The following MICB variants were observed in gnomAD, a reference collection of about 807,000 sequenced individuals.
MICB encodes MHC class I antigen-related protein B.
A neutral mutation model predicts 34.3 loss-of-function variants in MICB; 27 were observed. That is an observed-to-expected ratio of 0.79 (90% CI 0.58 to 1.08). The LOEUF (loss-of-function observed/expected upper bound fraction) is 1.08, where lower values mean the gene tolerates loss of function less well. MICB is among the 50% of genes least tolerant of loss of function. The probability of loss-of-function intolerance (pLI) is 0.00; values close to 1 mark genes in which losing one functional copy is unlikely to be tolerated. For missense variants in MICB, 426 were observed against 483.1 expected (o/e 0.88, Z 1.11); for synonymous variants, 153 against 187.4 (o/e 0.82, Z 1.50).
intron 1 of MICB, chr6:31,498,601 G>A (rs1416360266): frequency 6.2e-6 from 1 of 161,680 alleles, no homozygotes; most frequent in Non-Finnish European, 1.4e-5. Context: ...CCTAGTAGCT[G>A]GGACTACAGG....
At chr6:31,502,445 G>A (rs1286807697) in intron 1 of MICB, among the ~76,000 whole-genome samples, 1 of 152,134 alleles carries the variant, frequency 6.6e-6, no homozygotes, top group Admixed American at 6.5e-5. Context: ...GTTTTTATTG[G>A]AGAGATCTTT....
intron 1 of MICB, among the ~76,000 whole-genome samples, chr6:31,501,341 G>C (rs1290783571): frequency 6.6e-6 from 1 of 152,156 alleles, no homozygotes; most frequent in Non-Finnish European, 1.5e-5. Flanking sequence ...CTAATCCTTT[G>C]TCAGATGAAT....
chr6:31,497,687 T>C (rs2150275435), upstream of MICB, among the ~76,000 whole-genome samples: 1 of 152,302 alleles, frequency 6.6e-6, no homozygotes, highest in Non-Finnish European at 1.5e-5. Flanking sequence ...GCAGTAACGC[T>C]GTGCGCGGTT....
Position 31,510,495 on chromosome 6 carries a change from C to T in MICB, c.*586C>T, listed in dbSNP as rs1765613742. 6.6e-6 allele frequency: 1 copy of T among 152,174 alleles called. No homozygotes were observed. The highest frequency in any genetic ancestry group is 6.6e-5 in the Admixed American group (1 of 15,258). 9.4% of individuals were successfully genotyped at this position (152,174 alleles called of 1,614,324 possible). A position where few individuals can be genotyped will look rare whatever the true frequency, so the allele number is the denominator to read the frequency against. On this transcript the variant is annotated 3_prime_UTR_variant, in exon 6 of 6. Transcript: ENST00000252229. ...CAGTCCAATACAGGGTTGTGGGGCC[C>T]TTAACAGTGCCATATTAATTGGTAT... is the stretch of plus-strand genomic sequence containing the variant.
upstream of MICB, chr6:31,496,753 A>C (rs1183830037): frequency 6.6e-6 from 1 of 152,210 alleles, no homozygotes; most frequent in African/African-American, 2.4e-5. Context: ...ACTGGTTGTG[A>C]TCAATTAGTT....
intron 2 of MICB, 30 bp downstream of exon 2, chr6:31,505,901 G>A: frequency 6.4e-7 from 1 of 1,566,540 alleles, no homozygotes; most frequent in African/African-American, 1.4e-5. Flanking sequence ...AGAGTAATGG[G>A]AGGCCTTCTC....
upstream of MICB, chr6:31,498,141 T>G: frequency 6.8e-7 from 1 of 1,474,150 alleles, no homozygotes; most frequent in Non-Finnish European, 9.2e-7. Flanking sequence ...TTCTCACGGG[T>G]TTCATTCAGT....
intron 1 of MICB, among the ~76,000 whole-genome samples, chr6:31,503,482 A>T (rs1025525316): frequency 2.6e-5 from 4 of 152,212 alleles, no homozygotes; most frequent in Admixed American, 2.0e-4. Flanking sequence ...GGCCCCTGGT[A>T]ACCATCATTC....
chr6:31,501,871 C>T (rs1416208169), intron 1 of MICB, among the ~76,000 whole-genome samples: 1 of 152,048 alleles, frequency 6.6e-6, no homozygotes, highest in Non-Finnish European at 1.5e-5. Flanking sequence ...AATGTGATTC[C>T]GCTAGTTTTG....
At chr6:31,504,248 C>CTTTTTTT (rs41283858) in intron 1 of MICB, among the ~76,000 whole-genome samples, 21 of 71,434 alleles carry the variant, frequency 2.9e-4, no homozygotes, top group East Asian at 8.9e-4. Flanking sequence ...TAATCTCTCT[C>CTTTTTTT]TTTTTCTTTT....
rs368417585 is a variant in MICB at position 31,498,155 on chromosome 6, C to A, written c.-39C>A. 6 of 1,534,066 alleles carry A rather than the reference C, an allele frequency of 3.9e-6. No individual in the cohort carries two copies. The highest frequency in any genetic ancestry group is 5.3e-6 in the Non-Finnish European group (6 of 1,128,680). On this transcript the variant is annotated 5_prime_UTR_variant, in exon 1 of 6. Transcript: ENST00000252229. ...CTTCTCACGGGTTTCATTCAGTTGG[C>A]CACTGCTGAGCAGCTGAGAAGGTGG...
intron 5 of MICB, among the ~76,000 whole-genome samples, chr6:31,508,766 C>T (rs1470870352): frequency 6.6e-6 from 1 of 152,190 alleles, no homozygotes; most frequent in Non-Finnish European, 1.5e-5. Context: ...ATGTTGATGT[C>T]CAATAAAGAT....
chr6:31,509,334 A>G (rs1765531156), intron 5 of MICB, among the ~76,000 whole-genome samples: 1 of 152,018 alleles, frequency 6.6e-6, no homozygotes, highest in Non-Finnish European at 1.5e-5. Context: ...GGAGGGGAGG[A>G]GTGCTGAGCT....
At chr6:31,503,763 A>C (rs145516623) in intron 1 of MICB, among the ~76,000 whole-genome samples, 1 of 152,170 alleles carries the variant, frequency 6.6e-6, no homozygotes, top group Non-Finnish European at 1.5e-5. Flanking sequence ...TCTTGGGTAT[A>C]TATTTATTTC....
rs528089914 is a variant in MICB, at chr6:31,507,310, G to C, written c.892+10G>C. 6.2e-7 allele frequency: 1 copy of C among 1,612,458 alleles called. No individual in the cohort carries two copies. Among genetic ancestry groups the C allele is most frequent in the African/African-American group, 1.3e-5 (1 of 75,010 alleles). Reference sequence around the variant, plus strand: ...CACCCTGTGCCCTCTGGTGAGCCTGGGGTGACCCTGGAGAGGGTCAGGCCA... The same window carrying C: ...CACCCTGTGCCCTCTGGTGAGCCTGCGGTGACCCTGGAGAGGGTCAGGCCA... On this transcript the variant is annotated intron_variant, in intron 4 of 5. Coordinates refer to ENST00000252229, the MANE Select transcript of MICB (RefSeq NM_005931.5). The surrounding 1 kb of genome is among the most constrained non-coding windows in gnomAD (Gnocchi z 6.0).
At chr6:31,508,437 A>G (rs1261238308) in intron 5 of MICB, among the ~76,000 whole-genome samples, 3 of 152,236 alleles carry the variant, frequency 2.0e-5, no homozygotes, top group Non-Finnish European at 4.4e-5. Context: ...TGGGGTGTCC[A>G]GGAGACCTGA....
chr6:31,497,407 T>C (rs1340699260), upstream of MICB, among the ~76,000 whole-genome samples: 1 of 151,928 alleles, frequency 6.6e-6, no homozygotes, highest in Non-Finnish European at 1.5e-5. Context: ...CTTGGTGTTG[T>C]AATGAACCAT....
At chr6:31,496,272 G>A (rs535222047), upstream of MICB, among the ~76,000 whole-genome samples, 4 of 152,154 alleles carry the variant, frequency 2.6e-5, no homozygotes, top group East Asian at 1.9e-4. Context: ...ATAATTTATC[G>A]TTTTAAAGTG....
In MICB at chr6:31,505,715, C is replaced by T. The variant is rs777797449; in HGVS notation, c.169C>T (p.Leu57=). The T allele has an allele frequency of 6.2e-7, 1 of 1,613,020 alleles. No homozygotes were observed. Residue 57 remains leucine (L), a synonymous_variant, in exon 2 of 6, where the codon CTG becomes TTG. Coordinates refer to ENST00000252229, the MANE Select transcript of MICB (RefSeq NM_005931.5). The part of the protein sequence containing the change: ...AEGHLDGQPF[L]RYDRQKRRAK... ...GGGACATCTGGATGGTCAGCCCTTC[C>T]TGCGCTATGACAGGCAGAAACGCAG...
Sources: gnomAD v4.1 joint callset for allele counts (sites outside exome capture counted in the v4.1 genomes callset) on GRCh38, gnomAD v4.1.1 for gene constraint, Gnocchi (gnomAD v3.1) non-coding constraint, MANE v1.5 for transcripts, NCBI Gene and HGNC (gene_info 2026-07-23, HGNC 2026-07-21) for gene names.